The following MKLN1 variants were observed in gnomAD, a reference collection of about 807,000 sequenced individuals.
The protein encoded by MKLN1 is muskelin.
MKLN1 carries 18 observed loss-of-function variants against 99.0 expected under a neutral mutation model. That is an observed-to-expected ratio of 0.18 (90% CI 0.13 to 0.27). MKLN1 has a LOEUF of 0.27. Ranked by LOEUF, MKLN1 falls within the 10% of genes least tolerant of loss-of-function variation. The pLI is 1.00. For synonymous variants in MKLN1, 288 were observed against 293.2 expected, an observed-to-expected ratio of 0.98 and a Z score of 0.18; for missense variants, 621 against 875.9, an observed-to-expected ratio of 0.71 and a Z score of 3.67.
chr7:131,235,062 C>T (rs1323211759), intron 3 of MKLN1, among the ~76,000 whole-genome samples: 1 of 152,148 alleles, frequency 6.6e-6, no homozygotes, highest in Non-Finnish European at 1.5e-5. Context: ...ATGAAGAACA[C>T]GGGGCTCTTC....
At chr7:131,256,447 ATTTC>A (rs1277097810) in intron 3 of MKLN1, among the ~76,000 whole-genome samples, 10 of 152,240 alleles carry the variant, frequency 6.6e-5, no homozygotes. Context: ...AATCTTTCTC[ATTTC>A]TTCTCTTAAA....
chr7:131,472,947 CAA>C (rs34420594), intron 16 of MKLN1, among the ~76,000 whole-genome samples: 84 of 81,122 alleles, frequency 1.0e-3, no homozygotes, highest in Non-Finnish European at 1.3e-3. Flanking sequence ...GATTCCATCT[CAA>C]AAAAAAAAAA....
chr7:131,429,234 G>A, intron 9 of MKLN1, 89 bp downstream of exon 9: 2 of 817,398 alleles, frequency 2.4e-6, no homozygotes, highest in Non-Finnish European at 3.8e-6. Context: ...CTTCACTAAT[G>A]TCTGTCAGCA....
At chr7:131,404,864 T>C (rs1208188084) in intron 6 of MKLN1, among the ~76,000 whole-genome samples, 1 of 152,158 alleles carries the variant, frequency 6.6e-6, no homozygotes, top group Non-Finnish European at 1.5e-5. Context: ...CCCAAAGTGC[T>C]AGAATTACAG....
chr7:131,297,188 T>C (rs562651655), intron 3 of MKLN1, among the ~76,000 whole-genome samples: 27 of 152,128 alleles, frequency 1.8e-4, no homozygotes, highest in African/African-American at 6.0e-4. Context: ...GGTGAAACCC[T>C]GTCTCTACTA....
chr7:131,454,271 A>G (rs900353568), intron 12 of MKLN1, among the ~76,000 whole-genome samples: 5 of 152,176 alleles, frequency 3.3e-5, no homozygotes, highest in Non-Finnish European at 7.4e-5. Flanking sequence ...TTTGATTTTT[A>G]TTTATTTGAT....
At chr7:131,263,368 T>TAATAATAATAATAATAATAAAAAA (rs373239401) in intron 3 of MKLN1, among the ~76,000 whole-genome samples, 3 of 140,350 alleles carry the variant, frequency 2.1e-5, no homozygotes, top group East Asian at 2.2e-4. Context: ...ATAATAATAA[T>TAATAATAATAATAATAATAAAAAA]AATAAAATTA....
rs79494898 is a variant in MKLN1, at chr7:131,146,967, T to C, written c.-297+4026T>C. Among the ~76,000 whole-genome samples, 15 of 152,274 alleles carry C rather than the reference T, an allele frequency of 9.9e-5. No individual in the cohort carries two copies. The East Asian group carries it at 1.9e-3, about 20-fold the overall frequency. On this transcript the variant is annotated intron_variant, in intron 2 of 7. Coordinates refer to the MKLN1 transcript ENST00000416992. ...CAGTTGCGTGTATGTTTTTTAAGTA[T>C]GATGGAAGCAAAGAACAGAAAGGAA...
chr7:131,456,996 G>A (rs1402306625), intron 12 of MKLN1, among the ~76,000 whole-genome samples: 1 of 152,070 alleles, frequency 6.6e-6, no homozygotes, highest in Non-Finnish European at 1.5e-5. Flanking sequence ...ACAGATGAAC[G>A]GCCAGGGGTG....
At chr7:131,434,442 A>T (rs1795619376) in intron 9 of MKLN1, among the ~76,000 whole-genome samples, 1 of 152,194 alleles carries the variant, frequency 6.6e-6, no homozygotes, top group Non-Finnish European at 1.5e-5. Context: ...CCTTTGTATC[A>T]TGTCACTTTA....
intron 2 of MKLN1, among the ~76,000 whole-genome samples, chr7:131,161,222 C>A (rs574654807): frequency 6.6e-6 from 1 of 152,260 alleles, no homozygotes; most frequent in South Asian, 2.1e-4. Flanking sequence ...ATTACACAGT[C>A]CTCTAACAAT....
intron 2 of MKLN1, among the ~76,000 whole-genome samples, chr7:131,169,171 C>T (rs1445416395): frequency 1.3e-5 from 2 of 152,164 alleles, no homozygotes; most frequent in South Asian, 2.1e-4. Context: ...GGCCAGCCAC[C>T]GTGTCTGGCT....
chr7:131,231,361 G>T (rs1274981662), intron 3 of MKLN1, among the ~76,000 whole-genome samples: 1 of 152,050 alleles, frequency 6.6e-6, no homozygotes, highest in Non-Finnish European at 1.5e-5. Flanking sequence ...TCTTCCCCCT[G>T]TGTATCACTA....
intron 2 of MKLN1, among the ~76,000 whole-genome samples, chr7:131,200,789 C>T (rs1482635566): frequency 6.6e-6 from 1 of 152,158 alleles, no homozygotes; most frequent in Admixed American, 6.6e-5. Flanking sequence ...TTTCCACTGA[C>T]GTGTTCTAAT....
chr7:131,223,803 G>C (rs1797096043), intron 3 of MKLN1, among the ~76,000 whole-genome samples: 1 of 151,940 alleles, frequency 6.6e-6, no homozygotes, highest in South Asian at 2.1e-4. Flanking sequence ...GTCTTGCTCT[G>C]TTGCCAAGGC....
At chr7:131,375,291 C>A in intron 1 of MKLN1, 133 bp from the exon 2 acceptor site, 1 of 595,112 alleles carries the variant, frequency 1.7e-6, no homozygotes. Context: ...GCTTTTCTTA[C>A]TCTGTTTTGT....
chr7:131,316,739 T>A (rs1199478224), intron 3 of MKLN1, among the ~76,000 whole-genome samples: 1 of 152,096 alleles, frequency 6.6e-6, no homozygotes. Context: ...CTAACTAGAA[T>A]AACCAGTTTA....
chr7:131,469,241 G>A (rs1796750767), intron 15 of MKLN1, among the ~76,000 whole-genome samples: 1 of 152,136 alleles, frequency 6.6e-6, no homozygotes, highest in African/African-American at 2.4e-5. Flanking sequence ...CGGCCAGACG[G>A]ACGGACGGAC....
At chr7:131,160,052 C>G (rs1796023473) in intron 2 of MKLN1, among the ~76,000 whole-genome samples, 1 of 152,180 alleles carries the variant, frequency 6.6e-6, no homozygotes. Context: ...AAAAAAAACT[C>G]CCATGCCTGG....
Sources: gnomAD v4.1 joint callset for allele counts (sites outside exome capture counted in the v4.1 genomes callset) on GRCh38, gnomAD v4.1.1 for gene constraint, MANE v1.5 for transcripts, NCBI Gene and HGNC (gene_info 2026-07-23, HGNC 2026-07-21) for gene names.